EFNB1: variants seen among roughly 807,000 people sequenced by gnomAD.
EFNB1 encodes the protein ephrin B1, also known as ephrin-B1.
Under a neutral mutation model 18.1 loss-of-function variants are expected in EFNB1, and 1 was observed. That is an observed-to-expected ratio of 0.06 (90% CI 0.02 to 0.26). The LOEUF (loss-of-function observed/expected upper bound fraction) is 0.26, where lower values mean the gene tolerates loss of function less well. Among genes scored for constraint, EFNB1 ranks in the 10% least tolerant of loss-of-function variants. The pLI, the probability that EFNB1 is intolerant of heterozygous loss-of-function variation, is 1.00. For missense variants in EFNB1, 221 were observed against 301.8 expected (o/e 0.73, Z 1.98); for synonymous variants, 131 against 127.5 (o/e 1.03, Z -0.19).
chrX:68,833,090 G>A (rs538729068), intron 1 of EFNB1, among the ~76,000 whole-genome samples: 202 of 110,250 alleles, frequency 1.8e-3, no homozygotes, highest in Middle Eastern at 0.014. Flanking sequence ...GGGTGGGGGG[G>A]TTCAGCTTGG....
In EFNB1 at chrX:68,840,896, G is replaced by T; in HGVS notation, c.*242G>T. The T allele has an allele frequency of 2.4e-6, 1 of 424,196 alleles. No individual in the cohort carries two copies. The highest frequency in any genetic ancestry group is 3.6e-5 in the South Asian group (1 of 27,703). The allele number at this position is 424,196 out of a possible 1,213,427, so 35.0% of individuals were successfully genotyped here. A position where few individuals can be genotyped will look rare whatever the true frequency, so the allele number is the denominator to read the frequency against. ...CCAGGCCTCTGGGCTCCGTGGGGGC[G>T]CCCCTTCTTGGAAGGCAGGGCTGGA... is the stretch of plus-strand genomic sequence containing the variant. On this transcript the variant is annotated 3_prime_UTR_variant, in exon 5 of 5. Coordinates refer to ENST00000204961, the MANE Select transcript of EFNB1 (RefSeq NM_004429.5).
At chrX:68,836,092 C>T (rs1429471232) in intron 1 of EFNB1, among the ~76,000 whole-genome samples, 2 of 111,731 alleles carry the variant, frequency 1.8e-5, no homozygotes, top group Non-Finnish European at 3.8e-5. Context: ...TTAGACCCAT[C>T]GGGTTATTGT....
chrX:68,831,734 G>T (rs769175713), intron 1 of EFNB1, among the ~76,000 whole-genome samples: 3 of 110,947 alleles, frequency 2.7e-5, no homozygotes, highest in Non-Finnish European at 5.7e-5. Context: ...AGAGTTGGGG[G>T]TGCTGGAAGA....
At chrX:68,837,780 C>T (rs963077914) in intron 1 of EFNB1, among the ~76,000 whole-genome samples, 1 of 112,217 alleles carries the variant, frequency 8.9e-6, no homozygotes, top group Admixed American at 9.4e-5. Flanking sequence ...AGATGAGGCC[C>T]TATCTTCTAT....
In EFNB1 at chrX:68,840,636, C is replaced by T; in HGVS notation, c.1023C>T (p.Asn341=). Residue 341 remains asparagine (N), a synonymous_variant, in exon 5 of 5, where the codon AAC becomes AAT. Transcript: ENST00000204961. ...AGATGCCGCCCCAGAGCCCGGCGAA[C>T]ATCTACTACAAGGTCTGAGTGCCCG... is the stretch of plus-strand genomic sequence containing the variant. ...VQEMPPQSPA[N]IYYKV 8.3e-7 allele frequency: 1 copy of T among 1,208,797 alleles called. No individual in the cohort carries two copies. The highest frequency in any genetic ancestry group is 1.1e-6 in the Non-Finnish European group (1 of 894,202).
chrX:68,838,566 C>A, intron 1 of EFNB1, 51 bp from the exon 2 acceptor site: 4 of 1,204,205 alleles, frequency 3.3e-6, no homozygotes, highest in Non-Finnish European at 4.5e-6. Context: ...TCTGGAATGG[C>A]CTGGGGCCAC....
chrX:68,829,920 C>T lies in EFNB1; in HGVS notation c.128+16C>T, dbSNP rs1335024277. ...TCAACCCCAAGTGAGTAACTTATCT[C>T]CTCTGGACGCTGGGGTGGGAGGCAC... On this transcript the variant is annotated intron_variant, in intron 1 of 4. Coordinates refer to ENST00000204961, the MANE Select transcript of EFNB1 (RefSeq NM_004429.5). 2 of 1,166,491 alleles carry T rather than the reference C, an allele frequency of 1.7e-6. No individual in the cohort carries two copies. Among genetic ancestry groups the T allele is most frequent in the Admixed American group, 2.6e-5 (1 of 38,666 alleles).
chrX:68,833,846 A>G (rs767531072), intron 1 of EFNB1, among the ~76,000 whole-genome samples: 1 of 112,668 alleles, frequency 8.9e-6, no homozygotes, highest in South Asian at 3.7e-4. Flanking sequence ...ATTCTCATAT[A>G]TGATCTCATC....
At chrX:68,839,423 C>T (rs2080470774) in intron 2 of EFNB1, among the ~76,000 whole-genome samples, 1 of 112,265 alleles carries the variant, frequency 8.9e-6, no homozygotes, top group Non-Finnish European at 1.9e-5. Context: ...ATGGCCTGCT[C>T]GTGACAGAGG....
In EFNB1 at chrX:68,829,846, C is replaced by T. The variant is rs759194644; in HGVS notation, c.70C>T (p.Leu24Phe). 16 of 1,173,265 alleles carry T rather than the reference C, an allele frequency of 1.4e-5. No individual in the cohort carries two copies. In the South Asian group the frequency reaches 2.8e-4, roughly 21 times the overall value. The change falls in exon 1 of 5, where the codon CTC becomes TTC. Residue 24 changes from leucine to phenylalanine, a missense_variant. By Grantham distance (22) the Leu-to-Phe change is conservative (BLOSUM62 0). Transcript: ENST00000204961. ...VAMVVWALCR[L>F]ATPLAKNLEP... ...GATGGTCGTGTGGGCGCTGTGCCGG[C>T]TCGCCACACCGCTGGCCAAGAACCT...
At chrX:68,830,916 G>T (rs1430113595) in intron 1 of EFNB1, among the ~76,000 whole-genome samples, 1 of 111,995 alleles carries the variant, frequency 8.9e-6, no homozygotes, top group African/African-American at 3.3e-5. Context: ...ACCTTTCAGG[G>T]CGGTGGCTCA....
At chrX:68,836,001 TC>T (rs1216282832) in intron 1 of EFNB1, among the ~76,000 whole-genome samples, 21 of 111,747 alleles carry the variant, frequency 1.9e-4, no homozygotes, top group Non-Finnish European at 3.0e-4. Context: ...TGTCTCCCTT[TC>T]CGTGCCCTCT....
Position 68,840,736 on chromosome X carries a change from G to T in EFNB1, c.*82G>T. On this transcript the variant is annotated 3_prime_UTR_variant, in exon 5 of 5. Coordinates refer to ENST00000204961, the MANE Select transcript of EFNB1 (RefSeq NM_004429.5). ...TTTCGCCCCCACACCCCCTCCCCTT[G>T]CCAGCTGTGCCCACCTTTGTATTTA... 1.0e-6 allele frequency: 1 copy of T among 996,320 alleles called. No individual in the cohort carries two copies. Among genetic ancestry groups the T allele is most frequent in the African/African-American group, 1.9e-5 (1 of 53,584 alleles). 82.1% of individuals were successfully genotyped at this position (996,320 alleles called of 1,213,427 possible).
rs2080438854 is a variant in EFNB1, at chrX:68,829,736, A to C, written c.-41A>C. ...GAAGGCGAGGCGAGCTTTGGTGAGG[A>C]GGCGCCAAGGGATCCCGAAGTGCAG... On this transcript the variant is annotated 5_prime_UTR_variant, in exon 1 of 5. Coordinates refer to ENST00000204961, the MANE Select transcript of EFNB1 (RefSeq NM_004429.5). 1 of 1,173,701 alleles carries C rather than the reference A, an allele frequency of 8.5e-7. No homozygotes were observed. Among genetic ancestry groups the C allele is most frequent in the Non-Finnish European group, 1.1e-6 (1 of 876,696 alleles).
chrX:68,834,853 C>T (rs1186997476), intron 1 of EFNB1, among the ~76,000 whole-genome samples: 1 of 112,435 alleles, frequency 8.9e-6, no homozygotes, highest in Non-Finnish European at 1.9e-5. Flanking sequence ...AAGTATAGAC[C>T]TGGTGGGATG....
chrX:68,839,824 G>C, intron 3 of EFNB1, 68 bp downstream of exon 3: 1 of 1,174,980 alleles, frequency 8.5e-7, no homozygotes. Flanking sequence ...GTTCCTGGCT[G>C]GGTGCATGTG....
At position 68,838,681 on chromosome X, in the gene EFNB1, C is replaced by T; in HGVS notation, c.193C>T (p.Pro65Ser). The change falls in exon 2 of 5, where the codon CCC becomes TCC. Residue 65 changes from proline (P) to serine (S), a missense_variant. Physicochemically the swap from Pro to Ser is moderately conservative, Grantham distance 74. Transcript: ENST00000204961. ...TGGAGACAAGCTGGACATCATCTGC[C>T]CCCGAGCAGAAGCAGGGCGGCCCTA... Reference protein sequence around the residue: ...KIGDKLDIICPRAEAGRPYEY... With the variant: ...KIGDKLDIICSRAEAGRPYEY... The T allele has an allele frequency of 1.7e-6, 2 of 1,211,532 alleles. No homozygotes were observed. The highest frequency in any genetic ancestry group is 2.2e-6 in the Non-Finnish European group (2 of 895,405).
At chrX:68,831,107 C>T (rs961193195) in intron 1 of EFNB1, among the ~76,000 whole-genome samples, 1 of 111,275 alleles carries the variant, frequency 9.0e-6, no homozygotes, top group Admixed American at 9.5e-5. Flanking sequence ...GGAGCTTTGA[C>T]CTGCTCCATC....
Position 68,840,743 on chromosome X carries a change from G to A in EFNB1, c.*89G>A, listed in dbSNP as rs2080475938. On this transcript the variant is annotated 3_prime_UTR_variant, in exon 5 of 5. Transcript: ENST00000204961. The stretch of plus-strand genomic sequence containing the variant: ...CCCACACCCCCTCCCCTTGCCAGCT[G>A]TGCCCACCTTTGTATTTAGTTTTGT... 1 of 985,426 alleles carries A rather than the reference G, an allele frequency of 1.0e-6. No homozygotes were observed. The highest frequency in any genetic ancestry group is 1.4e-6 in the Non-Finnish European group (1 of 714,399). 81.2% of individuals were successfully genotyped at this position (985,426 alleles called of 1,213,427 possible).
Sources: gnomAD v4.1 joint callset for allele counts (sites outside exome capture counted in the v4.1 genomes callset) on GRCh38, gnomAD v4.1.1 for gene constraint, MANE v1.5 for transcripts, NCBI Gene and HGNC (gene_info 2026-07-23, HGNC 2026-07-21) for gene names.